ZFHX2: variants seen among roughly 807,000 people sequenced by gnomAD.
ZFHX2 encodes the protein zinc finger homeobox 2.
A neutral mutation model predicts 164.8 loss-of-function variants in ZFHX2; 75 were observed. The ratio of observed to expected loss-of-function variants is 0.46; its 90% CI spans 0.38 to 0.55. ZFHX2 has a LOEUF of 0.55. Among genes scored for constraint, ZFHX2 ranks in the 20% least tolerant of loss-of-function variants. The pLI is 0.00. For synonymous variants in ZFHX2, 1,217 were observed against 1,351.4 expected, an observed-to-expected ratio of 0.90 and a Z score of 2.18; for missense variants, 2,933 against 3,308.0, an observed-to-expected ratio of 0.89 and a Z score of 2.78.
At position 23,522,367 on chromosome 14, in the gene ZFHX2, G is replaced by C. The variant is rs746111572; in HGVS notation, c.7314C>G (p.Gly2438=). The C allele has an allele frequency of 1.6e-5, 24 of 1,536,020 alleles. No individual in the cohort carries two copies. In the South Asian group the frequency reaches 2.0e-4, roughly 13 times the overall value. The part of the protein sequence containing the change: ...EAGEVDELLT[G]STGISTVDVT... ...CATCCACGGTGGAGATGCCAGTGCT[G>C]CCTGTCAGCAGCTCATCAACCTCAC... is the stretch of plus-strand genomic sequence containing the variant. Residue 2438 remains glycine, a synonymous_variant, in exon 10 of 10, where the codon GGC becomes GGG. Coordinates refer to ENST00000419474, the MANE Select transcript of ZFHX2 (RefSeq NM_033400.3).
intron 1 of ZFHX2, among the ~76,000 whole-genome samples, chr14:23,537,337 T>C (rs572829735): frequency 6.6e-6 from 1 of 152,216 alleles, no homozygotes; most frequent in South Asian, 2.1e-4. Flanking sequence ...ACGTCCTCTC[T>C]AGCTCTCGTA....
upstream of ZFHX2, among the ~76,000 whole-genome samples, chr14:23,555,472 TG>T (rs1882286351): frequency 2.6e-5 from 4 of 152,214 alleles, no homozygotes; most frequent in Non-Finnish European, 5.9e-5. Context: ...TCTGGGCCTT[TG>T]CTTAGGCTAT....
At position 23,521,869 on chromosome 14, in the gene ZFHX2, G is replaced by C. The variant is rs770653335; in HGVS notation, c.*93C>G. 6 of 1,500,254 alleles carry C rather than the reference G, an allele frequency of 4.0e-6. No homozygotes were observed. Among genetic ancestry groups the C allele is most frequent in the Non-Finnish European group, 5.3e-6 (6 of 1,130,186 alleles). 92.9% of individuals were successfully genotyped at this position (1,500,254 alleles called of 1,614,324 possible). On this transcript the variant is annotated 3_prime_UTR_variant, in exon 10 of 10. Coordinates refer to ENST00000419474, the MANE Select transcript of ZFHX2 (RefSeq NM_033400.3). ...CCTGTGAGGTGGGCGGGGCCAGGGG[G>C]TGGGGTGAGGGATTTGAGCTCCCAC...
chr14:23,522,547 C>T lies in ZFHX2; in HGVS notation c.7134G>A (p.Lys2378=), dbSNP rs1263780655. The T allele has an allele frequency of 6.5e-7, 1 of 1,527,212 alleles. No individual in the cohort carries two copies. Among genetic ancestry groups the T allele is most frequent in the South Asian group, 1.2e-5 (1 of 83,378 alleles). The allele number at this position is 1,527,212 out of a possible 1,614,324, so 94.6% of individuals were successfully genotyped here. A position where few individuals can be genotyped will look rare whatever the true frequency, so the allele number is the denominator to read the frequency against. The part of the protein sequence containing the change: ...GAYFQQLYGM[K]KGLFPMNPMI... ...TGGGGTTCATGGGAAATAGCCCCTT[C>T]TTCATGCCATAGAGCTGTTGGAAGT... The change falls in exon 10 of 10, where the codon AAG becomes AAA. Residue 2378 remains lysine, a synonymous_variant. Transcript: ENST00000419474.
chr14:23,542,287 G>A (rs894181895), intron 1 of ZFHX2: 3 of 152,604 alleles, frequency 2.0e-5, no homozygotes, highest in Non-Finnish European at 4.4e-5. Flanking sequence ...GAGGTGTGAG[G>A]AGAAAAGGGT....
intron 1 of ZFHX2, among the ~76,000 whole-genome samples, chr14:23,545,972 A>G (rs973587580): frequency 2.6e-5 from 4 of 152,312 alleles, no homozygotes; most frequent in African/African-American, 9.6e-5. Flanking sequence ...AAGCCAAATG[A>G]CTGGTAATTG....
rs1427763179 is a variant in ZFHX2, at chr14:23,526,243, C to T, written c.3699G>A (p.Glu1233=). Residue 1233 remains glutamate, a synonymous_variant, in exon 9 of 10, where the codon GAG becomes GAA. Transcript: ENST00000419474. ...AIDPSAPARG[E]AGAPPTTTAA... ...CAGTGGTGGTGGGTGGGGCACCGGCCTCTCCCCGTGCAGGGGCAGAGGGGT... is the reference window on the plus strand; with the variant it reads ...CAGTGGTGGTGGGTGGGGCACCGGCTTCTCCCCGTGCAGGGGCAGAGGGGT... 2.6e-6 allele frequency: 4 copies of T among 1,536,200 alleles called. No individual in the cohort carries two copies. Among genetic ancestry groups the T allele is most frequent in the Non-Finnish European group, 3.5e-6 (4 of 1,146,912 alleles).
At chr14:23,554,907 CAGAG>C (rs773707869), upstream of ZFHX2, among the ~76,000 whole-genome samples, 5 of 152,162 alleles carry the variant, frequency 3.3e-5, no homozygotes, top group Non-Finnish European at 5.9e-5. Flanking sequence ...CCATAGTCCT[CAGAG>C]GGAGTAAGAA....
Position 23,533,913 on chromosome 14 carries a change from G to A in ZFHX2, c.1413C>T (p.His471=). 1 of 1,538,060 alleles carries A rather than the reference G, an allele frequency of 6.5e-7. No individual in the cohort carries two copies. The highest frequency in any genetic ancestry group is 2.4e-5 in the East Asian group (1 of 40,934). Residue 471 remains histidine (H), a synonymous_variant, in exon 2 of 10, where the codon CAC becomes CAT. Transcript: ENST00000419474. The surrounding 1 kb of genome is among the most constrained non-coding windows in gnomAD (Gnocchi z 4.8). The part of the protein sequence containing the change: ...HYKYQQTLDV[H]MREKHPESNS... ...TGCTCTCAGGGTGCTTCTCTCGCAT[G>A]TGCACATCCAGGGTCTGCTGGTACT...
Position 23,525,916 on chromosome 14 carries a change from T to A in ZFHX2, c.4026A>T (p.Pro1342=). Residue 1342 remains proline (P), a synonymous_variant, in exon 9 of 10, where the codon CCA becomes CCT. Coordinates refer to ENST00000419474, the MANE Select transcript of ZFHX2 (RefSeq NM_033400.3). This position sits in a 1 kb window ranked among gnomAD's most constrained non-coding sequence, Gnocchi z 5.9. ...LHRFPAPLFT[P]PVLPPFPLVP... ...CCAGAGGGAAGGGGGGCAGGACTGG[T>A]GGGGTGAAGAGAGGGGCTGGGAATC... 7.7e-7 allele frequency: 1 copy of A among 1,299,860 alleles called. No individual in the cohort carries two copies. Among genetic ancestry groups the A allele is most frequent in the East Asian group, 3.1e-5 (1 of 32,312 alleles). 80.5% of individuals were successfully genotyped at this position (1,299,860 alleles called of 1,614,324 possible).
intron 1 of ZFHX2, among the ~76,000 whole-genome samples, chr14:23,538,326 A>C: frequency 2.1e-5 from 3 of 145,472 alleles, no homozygotes; most frequent in African/African-American, 5.1e-5. Context: ...CCCAACCCCA[A>C]CTCCCCATCC....
rs984621318 is a variant in ZFHX2 at position 23,529,540 on chromosome 14, C to A, written c.2934+170G>T. 3 of 673,842 alleles carry A rather than the reference C, an allele frequency of 4.5e-6. No individual in the cohort carries two copies. In the Admixed American group the frequency reaches 7.2e-5, roughly 16 times the overall value. The allele number at this position is 673,842 out of a possible 1,614,324, so 41.7% of individuals were successfully genotyped here. ...TTGACCCTGCTGGGCCAGCTCTGCC[C>A]CCGAAAGTGCTGAACATGTGGAACT... On this transcript the variant is annotated intron_variant, in intron 6 of 9. Transcript: ENST00000419474.
intron 6 of ZFHX2, 36 bp from the exon 7 acceptor site, chr14:23,527,840 G>GGGAAGGA: frequency 6.6e-7 from 1 of 1,525,546 alleles, no homozygotes; most frequent in Non-Finnish European, 8.8e-7. Context: ...CGAAGTGTCA[G>GGGAAGGA]GGAAGGATGG....
chr14:23,528,473 C>G (rs977204951), intron 6 of ZFHX2, among the ~76,000 whole-genome samples: 87 of 152,202 alleles, frequency 5.7e-4, no homozygotes, highest in Non-Finnish European at 5.9e-4. Flanking sequence ...CCTACTGCCC[C>G]CACCTTGGAT....
At chr14:23,537,951 C>G (rs1243765327) in intron 1 of ZFHX2, 1 of 152,730 alleles carries the variant, frequency 6.5e-6, no homozygotes, top group Admixed American at 6.5e-5. Context: ...TCTCTCCCAG[C>G]CGGCCCAAGT....
In ZFHX2 at chr14:23,535,564, A is replaced by G. The variant is rs1880045469; in HGVS notation, c.-49-190T>C. 6.6e-6 allele frequency among the ~76,000 whole-genome samples: 1 copy of G among 152,006 alleles called. No homozygotes were observed. Among genetic ancestry groups the G allele is most frequent in the Admixed American group, 6.6e-5 (1 of 15,262 alleles). On this transcript the variant is annotated intron_variant, in intron 1 of 9. Coordinates refer to ENST00000419474, the MANE Select transcript of ZFHX2 (RefSeq NM_033400.3). This position sits in a 1 kb window ranked among gnomAD's most constrained non-coding sequence, Gnocchi z 4.5. Reference sequence around the variant, plus strand: ...AATATGTCCAACATCAGAACTCTTCATTTTATTTATTTTATTTTATTTTAT... The same window carrying G: ...AATATGTCCAACATCAGAACTCTTCGTTTTATTTATTTTATTTTATTTTAT...
chr14:23,521,859 G>T lies in ZFHX2; in HGVS notation c.*103C>A. ...CTGAACAGTTCCTGTGAGGTGGGCGGGGCCAGGGGGTGGGGTGAGGGATTT... is the reference window on the plus strand; with the variant it reads ...CTGAACAGTTCCTGTGAGGTGGGCGTGGCCAGGGGGTGGGGTGAGGGATTT... On this transcript the variant is annotated 3_prime_UTR_variant, in exon 10 of 10. Coordinates refer to ENST00000419474, the MANE Select transcript of ZFHX2 (RefSeq NM_033400.3). 1 of 1,489,514 alleles carries T rather than the reference G, an allele frequency of 6.7e-7. No individual in the cohort carries two copies. Among genetic ancestry groups the T allele is most frequent in the South Asian group, 1.3e-5 (1 of 74,726 alleles). 92.3% of individuals were successfully genotyped at this position (1,489,514 alleles called of 1,614,324 possible). A position where few individuals can be genotyped will look rare whatever the true frequency, so the allele number is the denominator to read the frequency against.
intron 3 of ZFHX2, 60 bp from the exon 4 acceptor site, chr14:23,531,781 CTTTT>C (rs757963386): frequency 2.8e-6 from 3 of 1,079,286 alleles, no homozygotes; most frequent in Admixed American, 8.6e-5. Context: ...CCTCAGGGGA[CTTTT>C]TTTTTTTTTC....
chr14:23,528,615 G>T, intron 6 of ZFHX2: 1 of 985,336 alleles, frequency 1.0e-6, no homozygotes, highest in Non-Finnish European at 1.2e-6. Flanking sequence ...CCATCACCTG[G>T]AAAGGGGCCC....
Sources: gnomAD v4.1 joint callset for allele counts (sites outside exome capture counted in the v4.1 genomes callset) on GRCh38, gnomAD v4.1.1 for gene constraint, Gnocchi (gnomAD v3.1) non-coding constraint, MANE v1.5 for transcripts, NCBI Gene and HGNC (gene_info 2026-07-23, HGNC 2026-07-21) for gene names.